The following TENM3 variants were observed in gnomAD, a reference collection of about 807,000 sequenced individuals.
TENM3 encodes the protein teneurin transmembrane protein 3, also known as teneurin-3.
TENM3 carries 63 observed loss-of-function variants against 255.1 expected under a neutral mutation model. That is an observed-to-expected ratio of 0.25 (90% CI 0.20 to 0.30). The LOEUF (loss-of-function observed/expected upper bound fraction) is 0.30, where lower values mean the gene tolerates loss of function less well. Ranked by LOEUF, TENM3 falls within the 10% of genes least tolerant of loss-of-function variation. The pLI is 1.00. For missense variants in TENM3, 2,929 were observed against 3,461.1 expected, an observed-to-expected ratio of 0.85 and a Z score of 3.86; for synonymous variants, 1,306 against 1,322.3, an observed-to-expected ratio of 0.99 and a Z score of 0.27.
At chr4:182,201,911 A>C (rs1309924626) in intron 1 of TENM3, among the ~76,000 whole-genome samples, 1 of 152,202 alleles carries the variant, frequency 6.6e-6, no homozygotes, top group Admixed American at 6.5e-5. Flanking sequence ...AAAAATAACT[A>C]TGCATTTTCA....
the TENM3 span, among the ~76,000 whole-genome samples, chr4:182,021,929 T>G: frequency 3.9e-5 from 6 of 152,218 alleles, no homozygotes; most frequent in Admixed American, 2.6e-4. Flanking sequence ...GGAATCCTTA[T>G]ACATTGTTAG....
In TENM3 at chr4:182,353,505, C is replaced by T. The variant is rs550616150; in HGVS notation, c.511+6576C>T. Reference sequence around the variant, plus strand: ...ATTAAAGTGCTGCTTTACAAAATGCCGTCAAATAGTTCCTGATATATAAAA... The same window carrying T: ...ATTAAAGTGCTGCTTTACAAAATGCTGTCAAATAGTTCCTGATATATAAAA... On this transcript the variant is annotated intron_variant, in intron 3 of 27. Coordinates refer to ENST00000511685, the MANE Select transcript of TENM3 (RefSeq NM_001080477.4). 2.8e-4 allele frequency among the ~76,000 whole-genome samples: 43 copies of T among 152,156 alleles called. 1 individual carries two copies. The South Asian group carries it at 6.7e-3, about 24-fold the overall frequency.
At chr4:181,544,741 G>C in the TENM3 span, among the ~76,000 whole-genome samples, 1 of 152,162 alleles carries the variant, frequency 6.6e-6, no homozygotes, top group East Asian at 1.9e-4. Context: ...AGATAATTGA[G>C]AATTGACTAT....
chr4:182,501,279 A>C (rs1053741106), intron 3 of TENM3, among the ~76,000 whole-genome samples: 5 of 152,052 alleles, frequency 3.3e-5, no homozygotes, highest in Admixed American at 2.0e-4. Context: ...TCAATCCATA[A>C]ACAGGCAATA....
chr4:182,591,240 AAAAAG>A (rs1454894390), intron 3 of TENM3, among the ~76,000 whole-genome samples: 1 of 152,218 alleles, frequency 6.6e-6, no homozygotes, highest in Non-Finnish European at 1.5e-5. Context: ...TAGAATCTAA[AAAAAG>A]AGAGAGAAAG....
At chr4:181,525,396 C>CAAAAAAAAAAAAAAAAAGAAA in the TENM3 span, among the ~76,000 whole-genome samples, 1 of 97,316 alleles carries the variant, frequency 1.0e-5, no homozygotes, top group East Asian at 3.4e-4. Flanking sequence ...GACCCTGTTT[C>CAAAAAAAAAAAAAAAAAGAAA]AAAAAAAAAA....
intron 1 of TENM3, among the ~76,000 whole-genome samples, chr4:182,317,539 C>G (rs1253287443): frequency 6.6e-6 from 1 of 152,008 alleles, no homozygotes; most frequent in Non-Finnish European, 1.5e-5. Context: ...AACTCCTGGG[C>G]TCAAGCAATG....
At chr4:181,690,227 T>A in the TENM3 span, among the ~76,000 whole-genome samples, 1 of 113,116 alleles carries the variant, frequency 8.8e-6, no homozygotes, top group Non-Finnish European at 1.9e-5. Context: ...TGAGGGCACA[T>A]GCGCGTGAGC....
At chr4:182,652,063 A>G (rs1211216284) in intron 5 of TENM3, among the ~76,000 whole-genome samples, 1 of 152,188 alleles carries the variant, frequency 6.6e-6, no homozygotes, top group Non-Finnish European at 1.5e-5. Flanking sequence ...CTTTTTCTCT[A>G]AATTACTATA....
chr4:182,257,295 T>C (rs779412082), intron 1 of TENM3, among the ~76,000 whole-genome samples: 5 of 152,206 alleles, frequency 3.3e-5, no homozygotes, highest in African/African-American at 4.8e-5. Flanking sequence ...GTAACAGATA[T>C]ACATATGTGT....
rs571761090 is a variant in TENM3 at position 182,198,112 on chromosome 4, AT to A, written c.-76+53359del. Among the ~76,000 whole-genome samples the A allele has an allele frequency of 3.8e-3, 580 of 152,232 alleles. 4 individuals are homozygous for A. The highest frequency in any genetic ancestry group is 0.013 in the African/African-American group (547 of 41,532). ...AGAGTGAGACTCCATCTCAAAAAAA[AT>A]AAATAAAAAATAAATAAAATTTAAA... On this transcript the variant is annotated intron_variant, in intron 1 of 2. Coordinates refer to the TENM3 transcript ENST00000512480.
chr4:181,954,531 C>G, the TENM3 span, among the ~76,000 whole-genome samples: 1 of 152,076 alleles, frequency 6.6e-6, no homozygotes, highest in African/African-American at 2.4e-5. Flanking sequence ...TAATCCTGAG[C>G]TTTTAAAAAT....
At chr4:182,666,839 G>T (rs1179973981) in intron 6 of TENM3, among the ~76,000 whole-genome samples, 3 of 152,044 alleles carry the variant, frequency 2.0e-5, no homozygotes, top group Admixed American at 2.0e-4. Flanking sequence ...GATTGAGGCT[G>T]CAGTGAGCCG....
chr4:182,746,877 T>C (rs967028613), intron 19 of TENM3, among the ~76,000 whole-genome samples: 1 of 152,206 alleles, frequency 6.6e-6, no homozygotes, highest in Non-Finnish European at 1.5e-5. Context: ...GATCATGTCA[T>C]TGATAAAATA....
the TENM3 span, among the ~76,000 whole-genome samples, chr4:181,616,480 C>A: frequency 6.7e-6 from 1 of 148,410 alleles, no homozygotes; most frequent in African/African-American, 2.5e-5. Context: ...AATTAATATA[C>A]TATAATATCC....
intron 3 of TENM3, among the ~76,000 whole-genome samples, chr4:182,494,020 A>T (rs1028465537): frequency 6.6e-6 from 1 of 152,130 alleles, no homozygotes; most frequent in African/African-American, 2.4e-5. Context: ...TTCCCCTCTT[A>T]CTGCTACTGT....
intron 22 of TENM3, among the ~76,000 whole-genome samples, chr4:182,766,923 T>A (rs1173942111): frequency 6.6e-6 from 1 of 152,134 alleles, no homozygotes; most frequent in Non-Finnish European, 1.5e-5. Flanking sequence ...CTCATCAGGA[T>A]CCCCTTAGCA....
At chr4:182,612,749 A>G (rs1377659298) in intron 4 of TENM3, among the ~76,000 whole-genome samples, 2 of 16,552 alleles carry the variant, frequency 1.2e-4, no homozygotes, top group Admixed American at 1.3e-3. Context: ...ACACACAGAC[A>G]CACACACACA....
the TENM3 span, among the ~76,000 whole-genome samples, chr4:181,449,429 T>C: frequency 6.6e-6 from 1 of 152,130 alleles, no homozygotes; most frequent in Non-Finnish European, 1.5e-5. Flanking sequence ...GAAAAGTGAG[T>C]AATAAGAGTA....
Sources: gnomAD v4.1 joint callset for allele counts (sites outside exome capture counted in the v4.1 genomes callset) on GRCh38, gnomAD v4.1.1 for gene constraint, MANE v1.5 for transcripts, NCBI Gene and HGNC (gene_info 2026-07-23, HGNC 2026-07-21) for gene names.